LYST: variants seen among roughly 807,000 people sequenced by gnomAD.
The protein encoded by LYST is lysosomal-trafficking regulator.
In LYST, 192 loss-of-function variants were observed where a neutral mutation model predicts 413.6. The ratio of observed to expected loss-of-function variants is 0.46; its 90% CI spans 0.41 to 0.52. LYST has a LOEUF of 0.52. Among genes scored for constraint, LYST ranks in the 20% least tolerant of loss-of-function variants. The pLI, the probability that LYST is intolerant of heterozygous loss-of-function variation, is 0.00. For synonymous variants in LYST, 1,525 were observed against 1,567.3 expected (o/e 0.97, Z 0.64); for missense variants, 3,815 against 4,499.9 (o/e 0.85, Z 4.35).
At chr1:235,796,661 A>G (rs1393180170) in intron 10 of LYST, among the ~76,000 whole-genome samples, 2 of 152,172 alleles carry the variant, frequency 1.3e-5, no homozygotes, top group African/African-American at 2.4e-5. Context: ...TCATGCCCTT[A>G]TGAAAGGGGG....
chr1:235,738,521 G>A, intron 31 of LYST: 1 of 1,611,864 alleles, frequency 6.2e-7, no homozygotes, highest in South Asian at 1.1e-5. Flanking sequence ...GTTACCCAAT[G>A]GGGGAAAGGC....
At position 235,854,855 on chromosome 1, in the gene LYST, A is replaced by G. The variant is rs1473530626; in HGVS notation, c.-98+11988T>C. Among the ~76,000 whole-genome samples, 1 of 152,002 alleles carries G rather than the reference A, an allele frequency of 6.6e-6. No homozygotes were observed. The highest frequency in any genetic ancestry group is 1.5e-5 in the Non-Finnish European group (1 of 68,008). ...CCTACTTGATCACACTGTCTGGTCT[A>G]TTTTCTGTTTAATCTAAATATGCTA... On this transcript the variant is annotated intron_variant, in intron 1 of 52. Transcript: ENST00000389793. The surrounding 1 kb of genome is among the most constrained non-coding windows in gnomAD (Gnocchi z 4.1).
chr1:235,802,873 C>A, intron 8 of LYST, 35 bp downstream of exon 8: 2 of 1,605,506 alleles, frequency 1.2e-6, no homozygotes, highest in East Asian at 4.5e-5. Context: ...ATCTGGCTTG[C>A]AGATCTAATT....
At chr1:235,677,447 T>C (rs754785961) in intron 49 of LYST, 33 bp downstream of exon 49, 1 of 1,608,948 alleles carries the variant, frequency 6.2e-7, no homozygotes, top group Non-Finnish European at 8.5e-7. Context: ...ATATTAAAAA[T>C]GCTATGTTTG....
At chr1:235,784,509 T>C (rs867032036) in intron 14 of LYST, among the ~76,000 whole-genome samples, 2 of 152,182 alleles carry the variant, frequency 1.3e-5, no homozygotes, top group Non-Finnish European at 2.9e-5. Context: ...CAGTAAAGCA[T>C]AGGGTTTTAA....
At chr1:235,700,870 T>G (rs991846067) in intron 45 of LYST, among the ~76,000 whole-genome samples, 8 of 152,196 alleles carry the variant, frequency 5.3e-5, no homozygotes, top group African/African-American at 1.9e-4. Context: ...TTTATGGAGT[T>G]ACATTCTATT....
At chr1:235,704,514 G>T (rs1420149675) in intron 44 of LYST, among the ~76,000 whole-genome samples, 3 of 152,138 alleles carry the variant, frequency 2.0e-5, no homozygotes, top group Admixed American at 6.5e-5. Context: ...CAGTGATATT[G>T]AGCTTTTTTT....
chr1:235,841,026 T>C lies in LYST; in HGVS notation c.-97-7359A>G, dbSNP rs189976126. 3.5e-3 allele frequency among the ~76,000 whole-genome samples: 533 copies of C among 152,324 alleles called. 4 individuals carry two copies. Among genetic ancestry groups the C allele is most frequent in the African/African-American group, 0.012 (510 of 41,578 alleles). On this transcript the variant is annotated intron_variant, in intron 1 of 52. Transcript: ENST00000389793. Reference sequence around the variant, plus strand: ...ACTGAGGCACGTGTGCAGAGTCTGCTGTCAGGGCAAAACCACTCCACACCA... The same window carrying C: ...ACTGAGGCACGTGTGCAGAGTCTGCCGTCAGGGCAAAACCACTCCACACCA...
intron 38 of LYST, among the ~76,000 whole-genome samples, chr1:235,724,682 T>C (rs530702053): frequency 3.2e-4 from 48 of 152,320 alleles, no homozygotes; most frequent in African/African-American, 1.1e-3. Context: ...TCATCCCTCC[T>C]TTCCTCTCCC....
In LYST at chr1:235,663,249, C is replaced by T. The variant is rs78202197; in HGVS notation, c.11268-171G>A. On this transcript the variant is annotated intron_variant, in intron 52 of 52. Coordinates refer to ENST00000389793, the MANE Select transcript of LYST (RefSeq NM_000081.4). ...GTTTTGACTGTAATTCTAACATAGT[C>T]ACTCTGCTGACAAGTTGAGATGCTC... 2.9e-3 allele frequency among the ~76,000 whole-genome samples: 437 copies of T among 152,312 alleles called. 1 individual carries two copies. Among genetic ancestry groups the T allele is most frequent in the African/African-American group, 0.01 (422 of 41,560 alleles).
intron 1 of LYST, among the ~76,000 whole-genome samples, chr1:235,851,203 TG>T (rs997996708): frequency 5.3e-5 from 8 of 150,120 alleles, no homozygotes; most frequent in African/African-American, 1.5e-4. Context: ...TATATATATA[TG>T]ATGAAATACA....
chr1:235,704,798 T>C (rs1661843259), intron 44 of LYST, among the ~76,000 whole-genome samples: 3 of 152,208 alleles, frequency 2.0e-5, no homozygotes, highest in Admixed American at 2.0e-4. Flanking sequence ...ATACTTTTTA[T>C]AAACACTTAT....
intron 46 of LYST, among the ~76,000 whole-genome samples, chr1:235,693,805 C>T (rs556498720): frequency 2.6e-5 from 4 of 151,936 alleles, no homozygotes; most frequent in Non-Finnish European, 5.9e-5. Flanking sequence ...TCTGAGACAC[C>T]TTTTCTTTTA....
chr1:235,705,233 T>C (rs1260744069), intron 44 of LYST, among the ~76,000 whole-genome samples: 1 of 152,228 alleles, frequency 6.6e-6, no homozygotes, highest in Non-Finnish European at 1.5e-5. Flanking sequence ...TTAATCGCCA[T>C]ACTTTGTTTT....
chr1:235,781,100 C>G (rs182899751), intron 15 of LYST, 45 bp from the exon 16 acceptor site: 1 of 1,178,348 alleles, frequency 8.5e-7, no homozygotes, highest in Non-Finnish European at 1.3e-6. Flanking sequence ...ACACCCTAAC[C>G]AGAATTTTTC....
intron 1 of LYST, among the ~76,000 whole-genome samples, chr1:235,880,903 A>T (rs1681348203): frequency 1.3e-5 from 2 of 152,182 alleles, no homozygotes; most frequent in South Asian, 4.1e-4. Flanking sequence ...AGGTGGGTGG[A>T]TCGCCAGAGG....
intron 25 of LYST, among the ~76,000 whole-genome samples, chr1:235,754,091 A>G (rs1043291109): frequency 1.3e-5 from 2 of 152,148 alleles, no homozygotes; most frequent in South Asian, 4.1e-4. Context: ...CAATCAGTGT[A>G]TCCAGGAATT....
At position 235,734,663 on chromosome 1, in the gene LYST, T is replaced by TA. The variant is rs1411317089; in HGVS notation, c.8359-5dup. On this transcript the variant is annotated splice_polypyrimidine_tract_variant and splice_region_variant and intron_variant, in intron 31 of 52. Transcript: ENST00000389793. ...ACAAAACTAACTTGGCTCCATGCTT[T>TA]AAAAAAAGTAATAATTTTTTAGTCA... is the stretch of plus-strand genomic sequence containing the variant. The TA allele has an allele frequency of 4.4e-6, 7 of 1,591,204 alleles. No homozygotes were observed. The Admixed American group carries it at 1.0e-4, about 23-fold the overall frequency.
rs985092234 is a variant in LYST, at chr1:235,674,337, G to A, written c.11038+2754C>T. 2.6e-5 allele frequency among the ~76,000 whole-genome samples: 4 copies of A among 150,976 alleles called. No individual in the cohort carries two copies. Among genetic ancestry groups the A allele is most frequent in the East Asian group, 1.9e-4 (1 of 5,154 alleles). Reference sequence around the variant, plus strand: ...GCCAAGCAAGTGGAGTGGCATTTGCGCTCTAATCCAATTAGCCATCCCTTT... The same window carrying A: ...GCCAAGCAAGTGGAGTGGCATTTGCACTCTAATCCAATTAGCCATCCCTTT... On this transcript the variant is annotated intron_variant, in intron 50 of 52. Coordinates refer to ENST00000389793, the MANE Select transcript of LYST (RefSeq NM_000081.4). The surrounding 1 kb of genome is among the most constrained non-coding windows in gnomAD (Gnocchi z 4.1).
Sources: gnomAD v4.1 joint callset for allele counts (sites outside exome capture counted in the v4.1 genomes callset) on GRCh38, gnomAD v4.1.1 for gene constraint, Gnocchi (gnomAD v3.1) non-coding constraint, MANE v1.5 for transcripts, NCBI Gene and HGNC (gene_info 2026-07-23, HGNC 2026-07-21) for gene names.